AGFG1: variants seen among roughly 807,000 people sequenced by gnomAD.
AGFG1 encodes arf-GAP domain and FG repeat-containing protein 1.
Under a neutral mutation model 60.6 loss-of-function variants are expected in AGFG1, and 10 were observed. The ratio of observed to expected loss-of-function variants is 0.16; its 90% CI spans 0.10 to 0.28. AGFG1 has a LOEUF of 0.28. Ranked by LOEUF, AGFG1 falls within the 10% of genes least tolerant of loss-of-function variation. The pLI, the probability that AGFG1 is intolerant of heterozygous loss-of-function variation, is 1.00. For synonymous variants in AGFG1, 247 were observed against 242.9 expected (o/e 1.02, Z -0.16); for missense variants, 537 against 676.5 (o/e 0.79, Z 2.29).
rs915255768 is a variant in AGFG1 at position 227,535,129 on chromosome 2, C to T, written c.1205+104C>T. On this transcript the variant is annotated intron_variant, in intron 8 of 12. Transcript: ENST00000310078. ...TGTTTCAAGGTATAATTTTAAAATT[C>T]TTGGATATTTTTGTAAATTTGAGGA... is the stretch of plus-strand genomic sequence containing the variant. 12 of 1,240,912 alleles carry T rather than the reference C, an allele frequency of 9.7e-6. No individual in the cohort carries two copies. In the Admixed American group the frequency reaches 4.1e-4, roughly 43 times the overall value. The allele number at this position is 1,240,912 out of a possible 1,614,324, so 76.9% of individuals were successfully genotyped here. A position where few individuals can be genotyped will look rare whatever the true frequency, so the allele number is the denominator to read the frequency against.
intron 10 of AGFG1, among the ~76,000 whole-genome samples, chr2:227,540,803 C>G (rs559924036): frequency 2.6e-5 from 4 of 152,204 alleles, no homozygotes; most frequent in Non-Finnish European, 4.4e-5. Context: ...CTAGTTTACA[C>G]TCCCACCAGC....
chr2:227,488,662 G>T (rs1480739422), intron 1 of AGFG1, among the ~76,000 whole-genome samples: 2 of 152,160 alleles, frequency 1.3e-5, no homozygotes, highest in Non-Finnish European at 1.5e-5. Context: ...AATTGTTTTG[G>T]GGCAAGGTAG....
intron 6 of AGFG1, among the ~76,000 whole-genome samples, chr2:227,532,468 CT>C (rs1338292410): frequency 2.0e-5 from 3 of 152,152 alleles, no homozygotes; most frequent in African/African-American, 7.2e-5. Context: ...TTGCCAGCTC[CT>C]TGTAACAGGT....
Position 227,560,015 on chromosome 2 carries a change from A to G in AGFG1, c.*5520A>G, listed in dbSNP as rs1372686107. 6.6e-6 allele frequency: 1 copy of G among 152,140 alleles called. No homozygotes were observed. Among genetic ancestry groups the G allele is most frequent in the Non-Finnish European group, 1.5e-5 (1 of 67,988 alleles). 9.4% of individuals were successfully genotyped at this position (152,140 alleles called of 1,614,324 possible). A position where few individuals can be genotyped will look rare whatever the true frequency, so the allele number is the denominator to read the frequency against. ...GACTTTATTCTCATACCCCAGAGGCATATAATTTCTTGTATTCTTGTGTAG... is the reference window on the plus strand; with the variant it reads ...GACTTTATTCTCATACCCCAGAGGCGTATAATTTCTTGTATTCTTGTGTAG... On this transcript the variant is annotated 3_prime_UTR_variant, in exon 13 of 13. Transcript: ENST00000310078.
At chr2:227,528,077 T>C (rs1230099223) in intron 5 of AGFG1, among the ~76,000 whole-genome samples, 1 of 152,176 alleles carries the variant, frequency 6.6e-6, no homozygotes, top group African/African-American at 2.4e-5. Flanking sequence ...CTCCAAAATA[T>C]GCTGTTTGGG....
intron 5 of AGFG1, among the ~76,000 whole-genome samples, chr2:227,526,430 G>A (rs925375291): frequency 2.2e-5 from 3 of 138,722 alleles, no homozygotes; most frequent in Non-Finnish European, 4.7e-5. Flanking sequence ...TGGAGATGGG[G>A]TTTCACCATG....
In AGFG1 at chr2:227,543,991, T is replaced by A. The variant is rs537720993; in HGVS notation, c.1378+6998T>A. On this transcript the variant is annotated intron_variant, in intron 10 of 12. Transcript: ENST00000310078. ...AAGTCTGTTTTATCAGAGACTAGGA[T>A]TGCAACCTCTGCTTTTTTTTGTTTT... Among the ~76,000 whole-genome samples the A allele has an allele frequency of 2.0e-5, 3 of 152,292 alleles. No homozygotes were observed. The East Asian group carries it at 5.8e-4, about 29-fold the overall frequency.
chr2:227,507,389 T>G (rs1274246349), intron 2 of AGFG1, among the ~76,000 whole-genome samples: 1 of 152,022 alleles, frequency 6.6e-6, no homozygotes, highest in Non-Finnish European at 1.5e-5. Flanking sequence ...ATCCACGAGG[T>G]CAGGAGATCG....
intron 10 of AGFG1, among the ~76,000 whole-genome samples, chr2:227,537,868 A>T (rs1279584591): frequency 2.6e-5 from 4 of 152,336 alleles, no homozygotes; most frequent in African/African-American, 9.6e-5. Flanking sequence ...ACCATTAAGA[A>T]TTACTAGTTT....
At chr2:227,502,234 A>G (rs977950436) in intron 2 of AGFG1, among the ~76,000 whole-genome samples, 3 of 152,280 alleles carry the variant, frequency 2.0e-5, no homozygotes, top group South Asian at 2.1e-4. Flanking sequence ...ATTGGCTTCT[A>G]TTCTATGAAT....
intron 3 of AGFG1, 58 bp downstream of exon 3, chr2:227,520,121 G>A: frequency 9.7e-7 from 1 of 1,028,472 alleles, no homozygotes; most frequent in South Asian, 1.4e-5. Flanking sequence ...TTAACTATGG[G>A]TAAGGTTAGT....
At chr2:227,551,582 T>C (rs1692822449) in intron 10 of AGFG1, among the ~76,000 whole-genome samples, 1 of 152,170 alleles carries the variant, frequency 6.6e-6, no homozygotes, top group Non-Finnish European at 1.5e-5. Context: ...GCTGTTATTT[T>C]ACTGCATATA....
chr2:227,524,215 AT>A (rs1170657883), intron 4 of AGFG1, among the ~76,000 whole-genome samples: 1 of 152,126 alleles, frequency 6.6e-6, no homozygotes, highest in Admixed American at 6.6e-5. Context: ...ATACATGTAT[AT>A]ATCATGTGTT....
At chr2:227,504,990 T>C (rs955221520) in intron 2 of AGFG1, among the ~76,000 whole-genome samples, 9 of 152,310 alleles carry the variant, frequency 5.9e-5, no homozygotes, top group Non-Finnish European at 1.2e-4. Flanking sequence ...GTTACTGATT[T>C]CGTCTAGTTA....
At chr2:227,484,688 G>T (rs12991459) in intron 1 of AGFG1, among the ~76,000 whole-genome samples, 3,208 of 24,730 alleles carry the variant, frequency 0.13, 655 homozygotes, top group Middle Eastern at 0.55. Flanking sequence ...TTTTTTTTTT[G>T]TTTTTTTTTT....
At chr2:227,519,624 T>A (rs1381190871) in intron 2 of AGFG1, among the ~76,000 whole-genome samples, 1 of 152,190 alleles carries the variant, frequency 6.6e-6, no homozygotes, top group Non-Finnish European at 1.5e-5. Context: ...TCAGTTCCTT[T>A]GTTTTGTAAG....
At chr2:227,497,576 AT>A (rs915280446) in intron 2 of AGFG1, among the ~76,000 whole-genome samples, 4 of 151,650 alleles carry the variant, frequency 2.6e-5, no homozygotes, top group Non-Finnish European at 5.9e-5. Context: ...ACAAAAAAAA[AT>A]TTTTTTTGTT....
chr2:227,522,969 T>C (rs978959494), intron 3 of AGFG1, among the ~76,000 whole-genome samples: 4 of 152,210 alleles, frequency 2.6e-5, no homozygotes, highest in Non-Finnish European at 5.9e-5. Context: ...TATTGTATTA[T>C]CGTAAATTTT....
At chr2:227,546,234 A>G (rs1052798932) in intron 10 of AGFG1, among the ~76,000 whole-genome samples, 1 of 152,198 alleles carries the variant, frequency 6.6e-6, no homozygotes, top group Non-Finnish European at 1.5e-5. Context: ...TCGCAGTTCA[A>G]TCAAGACTGC....
Sources: gnomAD v4.1 joint callset for allele counts (sites outside exome capture counted in the v4.1 genomes callset) on GRCh38, gnomAD v4.1.1 for gene constraint, MANE v1.5 for transcripts, NCBI Gene and HGNC (gene_info 2026-07-23, HGNC 2026-07-21) for gene names.